The following GRIP1 variants were observed in gnomAD, a reference collection of about 807,000 sequenced individuals.
GRIP1 encodes the protein glutamate receptor interacting protein 1.
In GRIP1, 45 loss-of-function variants were observed where a neutral mutation model predicts 129.9. The observed-to-expected ratio is 0.35, with a 90% CI of 0.27 to 0.44. The LOEUF is 0.44. GRIP1 is among the 20% of genes least tolerant of loss of function. The pLI is 1.00. For synonymous variants in GRIP1, 530 were observed against 520.8 expected (o/e 1.02, Z -0.24); for missense variants, 1,196 against 1,396.8 (o/e 0.86, Z 2.29).
Position 66,675,711 on chromosome 12 carries a change from AT to A in GRIP1, c.55+3138del, listed in dbSNP as rs1276674591. ...TGGGATTTGGCTCTAAGGTTGGGTA[AT>A]TGGTAGACTCTCATTCTGGAGGAAG... On this transcript the variant is annotated intron_variant, in intron 1 of 24. Coordinates refer to ENST00000359742, the MANE Select transcript of GRIP1 (RefSeq NM_001366722.1). 5.9e-5 allele frequency among the ~76,000 whole-genome samples: 9 copies of A among 152,176 alleles called. 1 individual carries two copies. The highest frequency in any genetic ancestry group is 1.3e-4 in the Non-Finnish European group (9 of 68,032).
intron 3 of GRIP1, among the ~76,000 whole-genome samples, chr12:66,540,743 G>T (rs943263353): frequency 1.3e-5 from 2 of 152,200 alleles, no homozygotes; most frequent in Middle Eastern, 3.4e-3. Context: ...AATATTGGTG[G>T]CCAGAATTTA....
intron 1 of GRIP1, among the ~76,000 whole-genome samples, chr12:66,961,137 T>G (rs1480881237): frequency 6.6e-6 from 1 of 152,190 alleles, no homozygotes. Flanking sequence ...AACTAAACTC[T>G]GAACCAGCAT....
chr12:66,607,184 A>G (rs1189562154), intron 1 of GRIP1, among the ~76,000 whole-genome samples: 1 of 152,236 alleles, frequency 6.6e-6, no homozygotes, highest in African/African-American at 2.4e-5. Context: ...AAAAGAATAT[A>G]TCACCTCACC....
At chr12:66,354,627 T>TTATA (rs569707452) in intron 23 of GRIP1, among the ~76,000 whole-genome samples, 2 of 152,010 alleles carry the variant, frequency 1.3e-5, no homozygotes, top group Non-Finnish European at 2.9e-5. Context: ...TCTACTGTAA[T>TTATA]TATATATATA....
intron 24 of GRIP1, among the ~76,000 whole-genome samples, chr12:66,351,211 C>A (rs1010457809): frequency 2.2e-4 from 34 of 152,172 alleles, no homozygotes; most frequent in African/African-American, 8.2e-4. Context: ...GAAAGCCAAC[C>A]AATGAGTGGC....
chr12:66,440,304 G>A (rs1028203130), intron 13 of GRIP1, among the ~76,000 whole-genome samples: 1 of 152,094 alleles, frequency 6.6e-6, no homozygotes, highest in Non-Finnish European at 1.5e-5. Flanking sequence ...CACACTTTGG[G>A]TTTCAAACAA....
intron 13 of GRIP1, among the ~76,000 whole-genome samples, chr12:66,434,219 G>C (rs570631016): frequency 6.6e-6 from 1 of 152,126 alleles, no homozygotes; most frequent in African/African-American, 2.4e-5. Flanking sequence ...TATAAAAAAG[G>C]ATCCCCAGAC....
chr12:66,420,768 C>G lies in GRIP1; in HGVS notation c.1790G>C (p.Gly597Ala). Reference sequence around the variant, plus strand: ...GATATCTGAAATGACGAGGGGGTCTCCTGGTTTTCTACTGGATGGTGCTGT... The same window carrying G: ...GATATCTGAAATGACGAGGGGGTCTGCTGGTTTTCTACTGGATGGTGCTGT... ...TISSPSSRKPGDPLVISDIKK... is the reference protein window; with the variant it reads ...TISSPSSRKPADPLVISDIKK... Residue 597 changes from glycine to alanine, a missense_variant, in exon 15 of 25, where the codon GGA becomes GCA. Physicochemically the swap from Gly to Ala is moderately conservative, Grantham distance 60. Coordinates refer to ENST00000359742, the MANE Select transcript of GRIP1 (RefSeq NM_001366722.1). The G allele has an allele frequency of 6.3e-7, 1 of 1,582,974 alleles. No individual in the cohort carries two copies. Among genetic ancestry groups the G allele is most frequent in the Non-Finnish European group, 8.7e-7 (1 of 1,151,532 alleles).
chr12:66,384,778 C>T (rs926619382), intron 19 of GRIP1, among the ~76,000 whole-genome samples: 6 of 152,176 alleles, frequency 3.9e-5, no homozygotes, highest in African/African-American at 1.4e-4. Context: ...GAGTGAGATA[C>T]CTGGGTCCTG....
At chr12:66,656,021 T>C (rs1380714631) in intron 1 of GRIP1, among the ~76,000 whole-genome samples, 2 of 152,194 alleles carry the variant, frequency 1.3e-5, no homozygotes, top group Non-Finnish European at 2.9e-5. Context: ...ACTGTAAGTA[T>C]TGATTTGACA....
At chr12:67,012,432 C>T (rs2042723490) in intron 1 of GRIP1, among the ~76,000 whole-genome samples, 1 of 152,120 alleles carries the variant, frequency 6.6e-6, no homozygotes, top group Non-Finnish European at 1.5e-5. Flanking sequence ...CTAGGACAAA[C>T]TTTTGCATTG....
intron 1 of GRIP1, among the ~76,000 whole-genome samples, chr12:66,670,330 T>C (rs2034017329): frequency 6.6e-6 from 1 of 152,208 alleles, no homozygotes. Flanking sequence ...AAAAATCACA[T>C]GAAAATTACA....
At chr12:66,392,886 C>T in intron 17 of GRIP1, 70 bp from the exon 18 acceptor site, 1 of 1,403,894 alleles carries the variant, frequency 7.1e-7, no homozygotes, top group Non-Finnish European at 1.0e-6. Flanking sequence ...AATTCCCTGA[C>T]ATACCTTATA....
chr12:66,881,531 T>A (rs1353074632), intron 1 of GRIP1, among the ~76,000 whole-genome samples: 2 of 152,188 alleles, frequency 1.3e-5, no homozygotes, highest in Non-Finnish European at 2.9e-5. Flanking sequence ...ACTTTTTTTT[T>A]TTATTACCTC....
chr12:66,500,248 C>T (rs1845225337), intron 7 of GRIP1, among the ~76,000 whole-genome samples: 1 of 152,200 alleles, frequency 6.6e-6, no homozygotes, highest in South Asian at 2.1e-4. Flanking sequence ...AACGGTCACA[C>T]ATCCAGTAAG....
intron 1 of GRIP1, among the ~76,000 whole-genome samples, chr12:66,653,565 A>T (rs1264284705): frequency 1.3e-5 from 2 of 152,198 alleles, no homozygotes; most frequent in Admixed American, 6.5e-5. Context: ...TAAATTTGGC[A>T]GTTTAGCATT....
intron 1 of GRIP1, among the ~76,000 whole-genome samples, chr12:66,946,883 A>C (rs1406360098): frequency 1.3e-5 from 2 of 151,598 alleles, no homozygotes; most frequent in African/African-American, 2.4e-5. Context: ...CTCTACTAAA[A>C]GTAAAAAAAA....
intron 1 of GRIP1, among the ~76,000 whole-genome samples, chr12:67,037,188 C>T (rs7314718): frequency 0.23 from 35,322 of 151,746 alleles, 4,632 homozygotes; most frequent in Non-Finnish European, 0.28. Context: ...ATTAGCAGGG[C>T]GTGGTGGCGG....
chr12:66,496,347 G>A (rs1004263082), intron 7 of GRIP1, among the ~76,000 whole-genome samples: 1 of 152,116 alleles, frequency 6.6e-6, no homozygotes, highest in African/African-American at 2.4e-5. Context: ...AGAACACCCA[G>A]CTTTCGATGA....
Sources: allele counts gnomAD v4.1 joint callset (sites outside exome capture counted in the v4.1 genomes callset), GRCh38; gene constraint gnomAD v4.1.1; transcripts MANE v1.5; gene names NCBI Gene and HGNC (gene_info 2026-07-23, HGNC 2026-07-21).